ADAMTSL3: variants seen among roughly 807,000 people sequenced by gnomAD.
ADAMTSL3 encodes ADAMTS like 3, also known as ADAMTS-like protein 3.
Under a neutral mutation model 201.7 loss-of-function variants are expected in ADAMTSL3, and 128 were observed. The observed-to-expected ratio is 0.63, with a 90% CI of 0.55 to 0.73. The LOEUF is 0.73. ADAMTSL3 is among the 30% of genes least tolerant of loss of function. ADAMTSL3 has a pLI of 0.00. For synonymous variants in ADAMTSL3, 738 were observed against 748.4 expected, an observed-to-expected ratio of 0.99 and a Z score of 0.23; for missense variants, 1,990 against 2,119.6, an observed-to-expected ratio of 0.94 and a Z score of 1.20.
intron 4 of ADAMTSL3, among the ~76,000 whole-genome samples, chr15:83,802,512 C>T (rs1366537069): frequency 1.3e-5 from 2 of 152,000 alleles, no homozygotes; most frequent in Admixed American, 6.6e-5. Context: ...GAATGCCAGC[C>T]GGCAATTAAA....
chr15:83,747,416 A>G lies in ADAMTSL3; in HGVS notation c.190-26107A>G, dbSNP rs576697227. ...GGTCAGTTTCTGCTCTGGCAGGAGA[A>G]ATGGTTTCAGTAAGTTTTTCCATTT... On this transcript the variant is annotated intron_variant, in intron 3 of 29. Transcript: ENST00000286744. Among the ~76,000 whole-genome samples, 20 of 152,260 alleles carry G rather than the reference A, an allele frequency of 1.3e-4. No homozygotes were observed. In the South Asian group the frequency reaches 3.3e-3, roughly 25 times the overall value.
chr15:84,013,761 C>G (rs2068042950), intron 23 of ADAMTSL3, among the ~76,000 whole-genome samples: 1 of 152,058 alleles, frequency 6.6e-6, no homozygotes, highest in African/African-American at 2.4e-5. Flanking sequence ...GAGGGAGCCT[C>G]CATCTCAAAA....
intron 17 of ADAMTSL3, among the ~76,000 whole-genome samples, chr15:83,925,645 A>C (rs1308048722): frequency 6.6e-6 from 1 of 152,242 alleles, no homozygotes; most frequent in Admixed American, 6.5e-5. Context: ...TTCCAAGAAT[A>C]GCAAATATAT....
intron 23 of ADAMTSL3, among the ~76,000 whole-genome samples, chr15:84,002,597 A>G (rs2067811445): frequency 1.3e-5 from 2 of 152,142 alleles, no homozygotes; most frequent in African/African-American, 2.4e-5. Flanking sequence ...CACCATCATT[A>G]GACCAATGGG....
At chr15:83,719,288 A>G (rs943615045) in intron 3 of ADAMTSL3, among the ~76,000 whole-genome samples, 1 of 152,216 alleles carries the variant, frequency 6.6e-6, no homozygotes, top group African/African-American at 2.4e-5. Context: ...AGGACAAACA[A>G]TTCAATTTCT....
At chr15:83,829,507 T>A (rs1011065733) in intron 6 of ADAMTSL3, among the ~76,000 whole-genome samples, 3 of 152,242 alleles carry the variant, frequency 2.0e-5, no homozygotes, top group African/African-American at 7.2e-5. Flanking sequence ...TTTGAAGGTT[T>A]TTTTATGTCT....
At chr15:83,718,792 A>C (rs554620378) in intron 3 of ADAMTSL3, among the ~76,000 whole-genome samples, 1 of 152,298 alleles carries the variant, frequency 6.6e-6, no homozygotes, top group South Asian at 2.1e-4. Flanking sequence ...CTAAGTTAAT[A>C]ATAATACTAA....
chr15:83,997,529 C>A (rs193165559), intron 23 of ADAMTSL3, among the ~76,000 whole-genome samples: 1 of 152,142 alleles, frequency 6.6e-6, no homozygotes, highest in Non-Finnish European at 1.5e-5. Context: ...GCAGAGGCTG[C>A]AGTGAGCTGA....
intron 26 of ADAMTSL3, among the ~76,000 whole-genome samples, chr15:84,024,785 C>T (rs2141920563): frequency 6.6e-6 from 1 of 152,356 alleles, no homozygotes; most frequent in East Asian, 1.9e-4. Flanking sequence ...GTTCAGTGGA[C>T]ATCCGTTTCT....
rs1188037035 is a variant in ADAMTSL3, at chr15:83,665,348, G to A, written c.69+9518G>A. ...GGAGTAGTTTGGGGGACTACATGGA[G>A]TCTCACCTTCGGGGGAAGGTGAGGC... On this transcript the variant is annotated intron_variant, in intron 2 of 29. Transcript: ENST00000286744. Among the ~76,000 whole-genome samples the A allele has an allele frequency of 3.9e-5, 6 of 152,144 alleles. No homozygotes were observed. The South Asian group carries it at 6.2e-4, about 16-fold the overall frequency.
intron 4 of ADAMTSL3, among the ~76,000 whole-genome samples, chr15:83,775,634 C>T (rs2063059911): frequency 6.6e-6 from 1 of 152,116 alleles, no homozygotes; most frequent in Non-Finnish European, 1.5e-5. Context: ...GAAAGGGAGG[C>T]AGGAGAGTTC....
At chr15:83,674,050 A>AT (rs1318775771) in intron 2 of ADAMTSL3, among the ~76,000 whole-genome samples, 1 of 127,464 alleles carries the variant, frequency 7.8e-6, no homozygotes, top group African/African-American at 3.4e-5. Context: ...TTTTATTTTT[A>AT]TGTTTTTTTT....
At chr15:83,705,216 G>A (rs1189617918) in intron 3 of ADAMTSL3, among the ~76,000 whole-genome samples, 2 of 152,146 alleles carry the variant, frequency 1.3e-5, no homozygotes, top group Non-Finnish European at 2.9e-5. Flanking sequence ...AATTTATGGG[G>A]CAGTTGAGCA....
At chr15:83,692,020 A>T (rs2061615270) in intron 2 of ADAMTSL3, among the ~76,000 whole-genome samples, 1 of 152,162 alleles carries the variant, frequency 6.6e-6, no homozygotes, top group Non-Finnish European at 1.5e-5. Context: ...TTTAAAGTAT[A>T]CCTTAAAATA....
At chr15:84,002,945 T>TC (rs1249082386) in intron 23 of ADAMTSL3, among the ~76,000 whole-genome samples, 1 of 145,440 alleles carries the variant, frequency 6.9e-6, no homozygotes, top group Non-Finnish European at 1.5e-5. Flanking sequence ...TCTTTTTTTT[T>TC]TTTTTTTTTT....
intron 2 of ADAMTSL3, 28 bp from the exon 3 acceptor site, chr15:83,704,361 T>C (rs1447025835): frequency 1.2e-6 from 2 of 1,614,124 alleles, no homozygotes; most frequent in Non-Finnish European, 1.7e-6. Context: ...TGGAGCCTTA[T>C]TTGTGACCAA....
At chr15:83,799,960 A>G (rs1400424080) in intron 4 of ADAMTSL3, among the ~76,000 whole-genome samples, 1 of 152,284 alleles carries the variant, frequency 6.6e-6, no homozygotes, top group African/African-American at 2.4e-5. Flanking sequence ...AATAACTTGC[A>G]TTTCATTTTA....
chr15:83,696,141 G>A (rs1431143202), intron 2 of ADAMTSL3, among the ~76,000 whole-genome samples: 1 of 152,176 alleles, frequency 6.6e-6, no homozygotes, highest in Non-Finnish European at 1.5e-5. Context: ...TGGAAGATAC[G>A]CTTCCTGACT....
intron 3 of ADAMTSL3, among the ~76,000 whole-genome samples, chr15:83,758,751 G>C (rs1006553968): frequency 6.6e-6 from 1 of 151,862 alleles, no homozygotes; most frequent in Non-Finnish European, 1.5e-5. Flanking sequence ...TTTTAACTGG[G>C]CTATTTCTTT....
Sources: gnomAD v4.1 joint callset for allele counts (sites outside exome capture counted in the v4.1 genomes callset) on GRCh38, gnomAD v4.1.1 for gene constraint, MANE v1.5 for transcripts, NCBI Gene and HGNC (gene_info 2026-07-23, HGNC 2026-07-21) for gene names.